Variants in PRKCH observed in about 807,000 individuals in gnomAD.
PRKCH encodes protein kinase C eta type.
PRKCH carries 28 observed loss-of-function variants against 82.5 expected under a neutral mutation model. That is an observed-to-expected ratio of 0.34 (90% confidence interval 0.25 to 0.47). PRKCH has a LOEUF of 0.47. PRKCH is among the 20% of genes least tolerant of loss of function. The pLI is 1.00. For missense variants in PRKCH, 705 were observed against 881.8 expected (o/e 0.80, Z 2.54); for synonymous variants, 322 against 327.4 (o/e 0.98, Z 0.18).
intron 1 of PRKCH, among the ~76,000 whole-genome samples, chr14:61,323,216 C>G (rs74054791): frequency 0.029 from 4,410 of 152,154 alleles, 166 homozygotes; most frequent in African/African-American, 0.088. Context: ...TGGGTATTGA[C>G]GTGTAGCTAC....
At chr14:61,378,368 A>G (rs111550618) in intron 1 of PRKCH, among the ~76,000 whole-genome samples, 1,563 of 151,904 alleles carry the variant, frequency 0.01, 34 homozygotes, top group South Asian at 0.06. Context: ...ATGTACCACC[A>G]CATCTGGCTA....
chr14:61,402,659 TGTGGTGGTGC>T (rs1470250043), intron 2 of PRKCH, among the ~76,000 whole-genome samples: 2 of 151,676 alleles, frequency 1.3e-5, no homozygotes, highest in Non-Finnish European at 2.9e-5. Flanking sequence ...ATTAGCTGGG[TGTGGTGGTGC>T]GTGCCTGTAA....
chr14:61,332,903 C>A (rs773139358), intron 1 of PRKCH, among the ~76,000 whole-genome samples: 4 of 152,084 alleles, frequency 2.6e-5, no homozygotes, highest in African/African-American at 9.7e-5. Context: ...AGGGCTGGGC[C>A]CCTTGAGCTC....
At chr14:61,322,500 C>G (rs992067069) in intron 1 of PRKCH, 36 bp downstream of exon 1, 5 of 1,567,670 alleles carry the variant, frequency 3.2e-6, no homozygotes, top group Non-Finnish European at 4.3e-6. Context: ...TGTGTCCACC[C>G]AACCCCCGTT....
At chr14:61,460,656 G>T (rs1244211122) in intron 9 of PRKCH, among the ~76,000 whole-genome samples, 1 of 152,212 alleles carries the variant, frequency 6.6e-6, no homozygotes, top group Admixed American at 6.5e-5. Flanking sequence ...AGCGTTTGAA[G>T]CCAGGTGGTC....
At chr14:61,261,181 C>T (rs914990527) in intron 1 of PRKCH, among the ~76,000 whole-genome samples, 5 of 152,170 alleles carry the variant, frequency 3.3e-5, no homozygotes, top group Non-Finnish European at 5.9e-5. Flanking sequence ...AAACTGTTGC[C>T]GTCACCAACG....
intron 9 of PRKCH, among the ~76,000 whole-genome samples, chr14:61,465,087 A>G (rs1438667403): frequency 6.6e-6 from 1 of 152,166 alleles, no homozygotes; most frequent in African/African-American, 2.4e-5. Flanking sequence ...GTTTCTTACT[A>G]TTAAGTTGTT....
At chr14:61,531,329 T>C (rs1252908918) in intron 12 of PRKCH, among the ~76,000 whole-genome samples, 1 of 152,010 alleles carries the variant, frequency 6.6e-6, no homozygotes, top group Non-Finnish European at 1.5e-5. Context: ...TGCAGAGGGG[T>C]TGTAAAGGCA....
intron 1 of PRKCH, among the ~76,000 whole-genome samples, chr14:61,373,254 G>C (rs1415597658): frequency 6.6e-6 from 1 of 151,880 alleles, no homozygotes; most frequent in East Asian, 1.9e-4. Context: ...CTGTACAGAA[G>C]CATGACTGGG....
intron 1 of PRKCH, chr14:61,306,108 A>G (rs1006605520): frequency 2.6e-5 from 4 of 152,172 alleles, no homozygotes; most frequent in African/African-American, 9.7e-5. Context: ...TTTGTCTGGG[A>G]CATGGTATTT....
intron 1 of PRKCH, among the ~76,000 whole-genome samples, chr14:61,282,183 C>G (rs1244340730): frequency 6.6e-6 from 1 of 151,720 alleles, no homozygotes; most frequent in Non-Finnish European, 1.5e-5. Context: ...TCTGGAGTGT[C>G]TGGCCTAAGG....
rs746996721 is a variant in PRKCH, at chr14:61,530,488, G to A, written c.1654G>A (p.Ala552Thr). Residue 552 changes from alanine (A) to threonine (T), a missense_variant, in exon 12 of 14, where the codon GCG (alanine) becomes ACG (threonine). Physicochemically the swap from Ala to Thr is moderately conservative, Grantham distance 58. Coordinates refer to ENST00000332981, the MANE Select transcript of PRKCH (RefSeq NM_006255.5). Reference sequence around the variant, plus strand: ...GCTCTATGAGATGCTCTGTGGTCACGCGCCTTTTGAGGCAGAGAACGAAGA... The same window carrying A: ...GCTCTATGAGATGCTCTGTGGTCACACGCCTTTTGAGGCAGAGAACGAAGA... ...VLLYEMLCGH[A>T]PFEAENEDDL... The A allele has an allele frequency of 6.2e-6, 10 of 1,612,562 alleles. No homozygotes were observed. The highest frequency in any genetic ancestry group is 1.7e-5 in the Admixed American group (1 of 59,760).
intron 2 of PRKCH, among the ~76,000 whole-genome samples, chr14:61,423,744 T>C (rs1323893045): frequency 6.6e-6 from 1 of 152,186 alleles, no homozygotes; most frequent in East Asian, 1.9e-4. Flanking sequence ...GGTGGGGCTA[T>C]AATACAGTTG....
At position 61,280,760 on chromosome 14, in the gene PRKCH, C is replaced by T. The variant is rs1163202275; in HGVS notation, c.-19+93092C>T. ...CTGGGGAGTCCGCTCAGCTGCGCGT[C>T]GTCGCGGGACACGCCGTAGCGCCGG... is the stretch of plus-strand genomic sequence containing the variant. On this transcript the variant is annotated intron_variant, in intron 1 of 3. Coordinates refer to the PRKCH transcript ENST00000555185. The surrounding 1 kb of genome is among the most constrained non-coding windows in gnomAD (Gnocchi z 5.0). 1.9e-6 allele frequency: 3 copies of T among 1,559,016 alleles called. No homozygotes were observed. The highest frequency in any genetic ancestry group is 1.2e-5 in the South Asian group (1 of 83,832).
chr14:61,476,861 G>C (rs1333682506), intron 9 of PRKCH, among the ~76,000 whole-genome samples: 1 of 148,132 alleles, frequency 6.8e-6, no homozygotes, highest in Non-Finnish European at 1.5e-5. Flanking sequence ...AAAATGATAA[G>C]TTCAAAAAAA....
chr14:61,269,421 C>T (rs906506168), intron 1 of PRKCH, among the ~76,000 whole-genome samples: 1 of 152,044 alleles, frequency 6.6e-6, no homozygotes, highest in African/African-American at 2.4e-5. Flanking sequence ...CATAGGTAAA[C>T]TCACGTTATG....
chr14:61,321,958 C>A lies in PRKCH; in HGVS notation c.-144C>A. 1.2e-6 allele frequency: 1 copy of A among 832,690 alleles called. No individual in the cohort carries two copies. Among genetic ancestry groups the A allele is most frequent in the Non-Finnish European group, 1.8e-6 (1 of 554,740 alleles). The allele number at this position is 832,690 out of a possible 1,614,324, so 51.6% of individuals were successfully genotyped here. ...AAGTCCCACGGAGGAGGCAGAATGG[C>A]CAGTCGAGGGGCGCTTAGGCGCTGC... is the stretch of plus-strand genomic sequence containing the variant. On this transcript the variant is annotated 5_prime_UTR_variant, in exon 1 of 14. Transcript: ENST00000332981. This position sits in a 1 kb window ranked among gnomAD's most constrained non-coding sequence, Gnocchi z 4.1.
chr14:61,428,123 A>ATATATATG (rs1261805393), intron 2 of PRKCH, among the ~76,000 whole-genome samples: 11 of 151,014 alleles, frequency 7.3e-5, no homozygotes, highest in African/African-American at 2.7e-4. Context: ...ATATATATAT[A>ATATATATG]TATATATATG....
At chr14:61,540,604 T>A (rs2043170996) in intron 12 of PRKCH, among the ~76,000 whole-genome samples, 1 of 152,232 alleles carries the variant, frequency 6.6e-6, no homozygotes, top group Non-Finnish European at 1.5e-5. Context: ...GAACACTTAA[T>A]GCCTATGCAA....
Sources: allele counts gnomAD v4.1 joint callset (sites outside exome capture counted in the v4.1 genomes callset), GRCh38; gene constraint gnomAD v4.1.1; non-coding constraint Gnocchi (gnomAD v3.1); transcripts MANE v1.5; gene names NCBI Gene and HGNC (gene_info 2026-07-23, HGNC 2026-07-21).